Variants in TRAPPC3 observed in about 807,000 individuals in gnomAD.
TRAPPC3 encodes the protein trafficking protein particle complex 3.
TRAPPC3 carries 5 observed loss-of-function variants against 18.2 expected under a neutral mutation model. That is an observed-to-expected ratio of 0.28 (90% confidence interval 0.14 to 0.58). The LOEUF is 0.58. Among genes scored for constraint, TRAPPC3 ranks in the 20% least tolerant of loss-of-function variants. The probability of loss-of-function intolerance (pLI) is 0.91; values close to 1 mark genes in which losing one functional copy is unlikely to be tolerated. For synonymous variants in TRAPPC3, 65 were observed against 84.2 expected, an observed-to-expected ratio of 0.77 and a Z score of 1.25; for missense variants, 176 against 225.9, an observed-to-expected ratio of 0.78 and a Z score of 1.41.
chr1:36,148,877 C>G (rs1380180819), intron 1 of TRAPPC3, among the ~76,000 whole-genome samples: 1 of 152,168 alleles, frequency 6.6e-6, no homozygotes, highest in Admixed American at 6.5e-5. Context: ...CAGTCAGCTC[C>G]TAGCATTAGC....
chr1:36,139,681 G>T, intron 3 of TRAPPC3, 39 bp downstream of exon 3: 1 of 1,612,528 alleles, frequency 6.2e-7, no homozygotes, highest in Non-Finnish European at 8.5e-7. Context: ...CCTCTCAGCA[G>T]CAATTCTTCA....
At chr1:36,152,157 A>AT (rs551732824), upstream of TRAPPC3, among the ~76,000 whole-genome samples, 341 of 152,062 alleles carry the variant, frequency 2.2e-3, 1 homozygote, top group Non-Finnish European at 3.9e-3. Flanking sequence ...AGATTTGTTA[A>AT]TTTTCTTAAC....
At chr1:36,141,366 T>C (rs1644105300) in intron 1 of TRAPPC3, among the ~76,000 whole-genome samples, 1 of 152,126 alleles carries the variant, frequency 6.6e-6, no homozygotes, top group Non-Finnish European at 1.5e-5. Context: ...CCCACACTCT[T>C]CCTTCTGAAT....
intron 3 of TRAPPC3, chr1:36,139,433 G>A (rs1644073930): frequency 3.1e-6 from 1 of 319,356 alleles, no homozygotes; most frequent in African/African-American, 2.2e-5. Flanking sequence ...TAGGATTACA[G>A]ATGTGAGCCA....
chr1:36,151,541 G>A (rs1349951791), upstream of TRAPPC3, among the ~76,000 whole-genome samples: 2 of 152,112 alleles, frequency 1.3e-5, no homozygotes, highest in South Asian at 2.1e-4. Context: ...AGCCCAGGAG[G>A]TGGAGGGTGC....
At chr1:36,152,169 C>T (rs1351753640), upstream of TRAPPC3, among the ~76,000 whole-genome samples, 1 of 152,196 alleles carries the variant, frequency 6.6e-6, no homozygotes, top group African/African-American at 2.4e-5. Flanking sequence ...TTTCTTAACT[C>T]TCCCAGTGAT....
chr1:36,151,136 G>T (rs1644268321), upstream of TRAPPC3, among the ~76,000 whole-genome samples: 1 of 152,152 alleles, frequency 6.6e-6, no homozygotes, highest in Non-Finnish European at 1.5e-5. Context: ...TTCTCTTTGG[G>T]ACTTGCAGTG....
At chr1:36,140,009 T>C (rs561050377) in intron 2 of TRAPPC3, 60 bp downstream of exon 2, 307 of 1,497,270 alleles carry the variant, frequency 2.1e-4, no homozygotes, top group Non-Finnish European at 1.9e-4. Context: ...TAAAGGACAA[T>C]GTAGACTCAG....
chr1:36,141,219 G>A (rs1297874430), intron 1 of TRAPPC3, among the ~76,000 whole-genome samples: 3 of 152,162 alleles, frequency 2.0e-5, no homozygotes, highest in Non-Finnish European at 4.4e-5. Context: ...TGAAATGAGT[G>A]ACAAATACCA....
upstream of TRAPPC3, among the ~76,000 whole-genome samples, chr1:36,153,523 G>C (rs1644286453): frequency 6.6e-6 from 1 of 152,182 alleles, no homozygotes; most frequent in African/African-American, 2.4e-5. Context: ...AACATCTTGT[G>C]AGTGCCTCAC....
intron 4 of TRAPPC3, 174 bp downstream of exon 4, chr1:36,137,622 G>A (rs1233347226): frequency 5.6e-6 from 4 of 714,234 alleles, no homozygotes; most frequent in Non-Finnish European, 9.1e-6. Context: ...GTATGGAGGA[G>A]TATCACCATG....
chr1:36,154,053 G>A (rs925647416), upstream of TRAPPC3, among the ~76,000 whole-genome samples: 6 of 152,168 alleles, frequency 3.9e-5, no homozygotes, highest in African/African-American at 1.4e-4. Flanking sequence ...TGCTCAGGCT[G>A]AAGTGCAGTG....
intron 4 of TRAPPC3, 173 bp from the exon 5 acceptor site, chr1:36,137,495 C>G: frequency 1.3e-5 from 9 of 678,858 alleles, no homozygotes; most frequent in Non-Finnish European, 2.2e-5. Flanking sequence ...TGGCTCCAAC[C>G]CTTAAGGAGA....
At chr1:36,141,829 G>C (rs1273310350) in intron 1 of TRAPPC3, among the ~76,000 whole-genome samples, 1 of 151,794 alleles carries the variant, frequency 6.6e-6, no homozygotes, top group Non-Finnish European at 1.5e-5. Context: ...GTGGTGGCGC[G>C]TGCCTGTAAT....
intron 1 of TRAPPC3, among the ~76,000 whole-genome samples, chr1:36,148,128 T>C (rs992920424): frequency 1.3e-5 from 2 of 152,210 alleles, no homozygotes; most frequent in African/African-American, 4.8e-5. Flanking sequence ...CCAAGGTCCA[T>C]GTGTTTCCCC....
intron 3 of TRAPPC3, 62 bp downstream of exon 3, chr1:36,139,658 G>A: frequency 1.9e-6 from 3 of 1,602,634 alleles, no homozygotes; most frequent in Admixed American, 1.7e-5. Flanking sequence ...GATAGAAAGA[G>A]TGGTAAGCAG....
At chr1:36,147,617 G>A (rs1644220982) in intron 1 of TRAPPC3, among the ~76,000 whole-genome samples, 2 of 152,146 alleles carry the variant, frequency 1.3e-5, no homozygotes, top group Admixed American at 1.3e-4. Context: ...ACTCCAGCCT[G>A]GGTATATCAT....
At position 36,137,231 on chromosome 1, in the gene TRAPPC3, T is replaced by A; in HGVS notation, c.515A>T (p.Glu172Val). ...TTCCTCTCCAGCTGGAAGATTGTCCTCAATCCGCCTGATGAATCTCATCCG... is the reference window on the plus strand; with the variant it reads ...TTCCTCTCCAGCTGGAAGATTGTCCACAATCCGCCTGATGAATCTCATCCG... ...EIRMRFIRRI[E>V]DNLPAGEE Residue 172 changes from glutamate (E) to valine (V), a missense_variant, in exon 5 of 5, where the codon GAG becomes GTG. Physicochemically the swap from Glu to Val is moderately radical, Grantham distance 121 (BLOSUM62 -2). Coordinates refer to ENST00000373166, the MANE Select transcript of TRAPPC3 (RefSeq NM_014408.5). 6.2e-7 allele frequency: 1 copy of A among 1,612,154 alleles called. No individual in the cohort carries two copies. The highest frequency in any genetic ancestry group is 8.5e-7 in the Non-Finnish European group (1 of 1,178,302).
intron 4 of TRAPPC3, 102 bp downstream of exon 4, chr1:36,137,694 G>C: frequency 7.9e-7 from 1 of 1,259,048 alleles, no homozygotes; most frequent in Non-Finnish European, 1.1e-6. Context: ...TAAAGCGCTG[G>C]GGTGAGCCAA....
Sources: gnomAD v4.1 joint callset for allele counts (sites outside exome capture counted in the v4.1 genomes callset) on GRCh38, gnomAD v4.1.1 for gene constraint, MANE v1.5 for transcripts, NCBI Gene and HGNC (gene_info 2026-07-23, HGNC 2026-07-21) for gene names.